DENND2D: variants seen among roughly 807,000 people sequenced by gnomAD.
The protein encoded by DENND2D is DENN domain containing 2D.
Under a neutral mutation model 59.8 loss-of-function variants are expected in DENND2D, and 37 were observed. That is an observed-to-expected ratio of 0.62 (90% CI 0.48 to 0.81). The LOEUF (loss-of-function observed/expected upper bound fraction) is 0.81, where lower values mean the gene tolerates loss of function less well. DENND2D is among the 40% of genes least tolerant of loss of function. The pLI, the probability that DENND2D is intolerant of heterozygous loss-of-function variation, is 0.00. For missense variants in DENND2D, 525 were observed against 579.7 expected (o/e 0.91, Z 0.97); for synonymous variants, 219 against 211.3 (o/e 1.04, Z -0.31).
upstream of DENND2D, chr1:111,201,486 C>CG (rs1658796789): frequency 6.6e-6 from 1 of 152,342 alleles, no homozygotes; most frequent in South Asian, 2.1e-4. Context: ...AGCCTTCCTC[C>CG]GGGTCAGGCC....
chr1:111,198,550 G>C lies in DENND2D; in HGVS notation c.356+80C>G, dbSNP rs1658472492. On this transcript the variant is annotated intron_variant, in intron 3 of 11. Transcript: ENST00000357640. ...GAAAATCAACAAATGACAGCAGTGA[G>C]GGAGGCTACAGGAGCCACAGAACTC... is the stretch of plus-strand genomic sequence containing the variant. 4 of 1,351,674 alleles carry C rather than the reference G, an allele frequency of 3.0e-6. No individual in the cohort carries two copies. In the Admixed American group the frequency reaches 6.9e-5, roughly 23 times the overall value. The allele number at this position is 1,351,674 out of a possible 1,614,324, so 83.7% of individuals were successfully genotyped here.
chr1:111,204,366 G>GCCCGGCT, upstream of DENND2D: 1 of 1,421,566 alleles, frequency 7.0e-7, no homozygotes, highest in Non-Finnish European at 9.2e-7. Context: ...CCCCTGGAGT[G>GCCCGGCT]CCCGGCTCCC....
intron 4 of DENND2D, 165 bp from the exon 5 acceptor site, chr1:111,197,418 C>T: frequency 1.4e-6 from 2 of 1,451,996 alleles, no homozygotes; most frequent in East Asian, 5.0e-5. Flanking sequence ...AGAAGAAATC[C>T]TTGAGGGTAC....
In DENND2D at chr1:111,198,722, A is replaced by G. The variant is rs375758587; in HGVS notation, c.264T>C (p.Gly88=). Residue 88 remains glycine (G), a synonymous_variant, in exon 3 of 12, where the codon GGT becomes GGC. Transcript: ENST00000357640. ...QFPKRENLLR[G]QQEEEERLLK... Reference sequence around the variant, plus strand: ...GCAGCCGCTCCTCCTCCTCCTGCTGACCCCGAAGCAGGTTCTCCCGCTATA... The same window carrying G: ...GCAGCCGCTCCTCCTCCTCCTGCTGGCCCCGAAGCAGGTTCTCCCGCTATA... 3 of 1,613,988 alleles carry G rather than the reference A, an allele frequency of 1.9e-6. No individual in the cohort carries two copies. In the African/African-American group the frequency reaches 4.0e-5, roughly 22 times the overall value.
In DENND2D at chr1:111,186,738, C is replaced by T. The variant is rs1159194948; in HGVS notation, c.*867G>A. ...GGACTGTGCTGCTCAAAATAAAGAT[C>T]AGTTGGAGGTAGGATGTCCAAGACT... is the stretch of plus-strand genomic sequence containing the variant. On this transcript the variant is annotated 3_prime_UTR_variant, in exon 12 of 12. Transcript: ENST00000357640. Among the ~76,000 whole-genome samples, 1 of 152,162 alleles carries T rather than the reference C, an allele frequency of 6.6e-6. No individual in the cohort carries two copies. Among genetic ancestry groups the T allele is most frequent in the Non-Finnish European group, 1.5e-5 (1 of 68,028 alleles).
chr1:111,204,541 C>T (rs765251436), upstream of DENND2D: 6 of 553,344 alleles, frequency 1.1e-5, no homozygotes, highest in Non-Finnish European at 1.7e-5. Flanking sequence ...CCCGCTCTGC[C>T]CTCGCCCTGG....
At chr1:111,203,806 T>C (rs1659038059), upstream of DENND2D, among the ~76,000 whole-genome samples, 1 of 151,948 alleles carries the variant, frequency 6.6e-6, no homozygotes. Context: ...CGGGGAGACC[T>C]GTGTTTGTGG....
intron 6 of DENND2D, 32 bp from the exon 7 acceptor site, chr1:111,194,758 A>G: frequency 1.9e-6 from 3 of 1,611,754 alleles, no homozygotes; most frequent in Non-Finnish European, 1.7e-6. Context: ...AGAAGGTGTC[A>G]CTATACTGCA....
At chr1:111,197,899 G>A in intron 4 of DENND2D, 21 bp downstream of exon 4, 1 of 1,613,390 alleles carries the variant, frequency 6.2e-7, no homozygotes, top group East Asian at 2.2e-5. Context: ...AAAGGAAGGG[G>A]CAGTTCTGAG....
At chr1:111,202,696 TAC>T (rs5741908), upstream of DENND2D, among the ~76,000 whole-genome samples, 56 of 142,920 alleles carry the variant, frequency 3.9e-4, no homozygotes, top group Non-Finnish European at 5.9e-4. Context: ...GTCACCAGGA[TAC>T]ACACACACAC....
intron 5 of DENND2D, chr1:111,196,333 C>T (rs564730651): frequency 8.7e-5 from 24 of 274,974 alleles, no homozygotes; most frequent in Admixed American, 4.8e-5. Flanking sequence ...CCTCTCCTAA[C>T]ACCAACATAA....
intron 5 of DENND2D, 58 bp from the exon 6 acceptor site, chr1:111,196,114 AAG>A: frequency 1.3e-6 from 2 of 1,540,712 alleles, no homozygotes; most frequent in Non-Finnish European, 1.7e-6. Context: ...AGGCAGGTGG[AAG>A]AGACTCTACT....
At chr1:111,200,742 G>A (rs1367844098), upstream of DENND2D, 3 of 1,236,338 alleles carry the variant, frequency 2.4e-6, no homozygotes, top group Non-Finnish European at 3.1e-6. Context: ...GCCCCAGGGT[G>A]TGGCGAGAGA....
At position 111,192,330 on chromosome 1, in the gene DENND2D, ACAGAGGATGAGAGTCAGGGGG is replaced by A. The variant is rs1449684960; in HGVS notation, c.795-34_795-14del. 5 of 1,572,198 alleles carry A rather than the reference ACAGAGGATGAGAGTCAGGGGG, an allele frequency of 3.2e-6. No individual in the cohort carries two copies. On this transcript the variant is annotated splice_polypyrimidine_tract_variant and intron_variant, in intron 7 of 11. Coordinates refer to ENST00000357640, the MANE Select transcript of DENND2D (RefSeq NM_024901.5). ...CTGAGACAAGGTGCTGGGACAGAGC[ACAGAGGATGAGAGTCAGGGGG>A]CCCCTGCACCACCATGCTACACACC...
At position 111,197,192 on chromosome 1, in the gene DENND2D, A is replaced by G; in HGVS notation, c.488T>C (p.Phe163Ser). The G allele has an allele frequency of 6.2e-7, 1 of 1,613,750 alleles. No homozygotes were observed. The highest frequency in any genetic ancestry group is 8.5e-7 in the Non-Finnish European group (1 of 1,179,916). The change falls in exon 5 of 12, where the codon TTC becomes TCC. Residue 163 changes from phenylalanine (F) to serine (S), a missense_variant. By Grantham distance (155) the Phe-to-Ser change is radical (BLOSUM62 -2). Transcript: ENST00000357640. Reference protein sequence around the residue: ...VYCIISCIGCFGLFSKILDEV... With the variant: ...VYCIISCIGCSGLFSKILDEV... ...TATCCCTACCTTGGAGAACAAGCCG[A>G]AGCAGCCGATGCAGCTGATGATGCA...
At chr1:111,188,473 A>T in intron 10 of DENND2D, 103 bp from the exon 11 acceptor site, 1 of 1,513,346 alleles carries the variant, frequency 6.6e-7, no homozygotes. Flanking sequence ...CTCCTGGGGA[A>T]AGCCATAGGG....
At chr1:111,188,582 C>G in intron 10 of DENND2D, 120 bp downstream of exon 10, 2 of 1,184,782 alleles carry the variant, frequency 1.7e-6, no homozygotes. Flanking sequence ...GCCCTAGGTT[C>G]TAGGCCTCTA....
At position 111,197,900 on chromosome 1, in the gene DENND2D, C is replaced by T. The variant is rs1658400883; in HGVS notation, c.426+20G>A. The T allele has an allele frequency of 1.2e-6, 2 of 1,613,358 alleles. No individual in the cohort carries two copies. Among genetic ancestry groups the T allele is most frequent in the South Asian group, 2.2e-5 (2 of 91,034 alleles). On this transcript the variant is annotated intron_variant, in intron 4 of 11. Coordinates refer to ENST00000357640, the MANE Select transcript of DENND2D (RefSeq NM_024901.5). ...TGAGCAGACTGCAGAAAGGAAGGGG[C>T]AGTTCTGAGCTGCACAGACCAAGAG...
chr1:111,194,763 A>G (rs370201391), intron 6 of DENND2D, 37 bp from the exon 7 acceptor site: 82 of 1,610,456 alleles, frequency 5.1e-5, no homozygotes, highest in Middle Eastern at 1.8e-4. Flanking sequence ...GTGTCACTAT[A>G]CTGCAAGATC....
Sources: gnomAD v4.1 joint callset for allele counts (sites outside exome capture counted in the v4.1 genomes callset) on GRCh38, gnomAD v4.1.1 for gene constraint, MANE v1.5 for transcripts, NCBI Gene and HGNC (gene_info 2026-07-23, HGNC 2026-07-21) for gene names.